ZNF839: variants seen among roughly 807,000 people sequenced by gnomAD.
ZNF839 encodes renal carcinoma antigen NY-REN-50.
Under a neutral mutation model 56.4 loss-of-function variants are expected in ZNF839, and 38 were observed. The observed-to-expected ratio is 0.67, with a 90% CI of 0.52 to 0.88. The LOEUF (loss-of-function observed/expected upper bound fraction) is 0.88, where lower values mean the gene tolerates loss of function less well. Among genes scored for constraint, ZNF839 ranks in the 40% least tolerant of loss-of-function variants. The pLI is 0.00. For missense variants in ZNF839, 1,091 were observed against 1,177.6 expected (o/e 0.93, Z 1.08); for synonymous variants, 486 against 493.5 (o/e 0.98, Z 0.20).
chr14:102,327,616 A>G (rs1409329521), intron 2 of ZNF839, among the ~76,000 whole-genome samples: 1 of 152,216 alleles, frequency 6.6e-6, no homozygotes. Context: ...AAACCAAATC[A>G]GTCCCAGTTC....
Position 102,328,303 on chromosome 14 carries a change from G to A in ZNF839, c.1191+1416G>A, listed in dbSNP as rs1165902359. Among the ~76,000 whole-genome samples the A allele has an allele frequency of 8.1e-5, 11 of 135,134 alleles. 1 individual carries two copies. The highest frequency in any genetic ancestry group is 2.4e-4 in the Admixed American group (3 of 12,298). The allele number at this position is 135,134 out of a possible 152,430, so 88.7% of individuals were successfully genotyped here. A position where few individuals can be genotyped will look rare whatever the true frequency, so the allele number is the denominator to read the frequency against. On this transcript the variant is annotated intron_variant, in intron 2 of 7. Transcript: ENST00000442396. ...TGTGAGGTGGAGGTTGCAGTGAGCC[G>A]AGATCATGCCATTGCACTCCAGCCT...
At chr14:102,328,488 G>GCCACA (rs768580308) in intron 2 of ZNF839, among the ~76,000 whole-genome samples, 32 of 146,794 alleles carry the variant, frequency 2.2e-4, no homozygotes, top group Non-Finnish European at 1.5e-5. Flanking sequence ...TTAAGTGTGT[G>GCCACA]GTTCAGGGGT....
chr14:102,325,980 G>A lies in ZNF839; in HGVS notation c.289-5G>A, dbSNP rs80078732. The A allele has an allele frequency of 3.0e-3, 4,773 of 1,610,714 alleles. 95 individuals are homozygous for A. The East Asian group carries it at 0.033, about 11-fold the overall frequency. Reference sequence around the variant, plus strand: ...TTTTCTCTTTCTTGTCTTTCTGTACGTAAGCAACTAGAAGCCATTTGTGTC... The same window carrying A: ...TTTTCTCTTTCTTGTCTTTCTGTACATAAGCAACTAGAAGCCATTTGTGTC... On this transcript the variant is annotated splice_region_variant and splice_polypyrimidine_tract_variant and intron_variant, in intron 1 of 7. Transcript: ENST00000442396.
rs750005670 is a variant in ZNF839, at chr14:102,341,846, T to C, written c.2451T>C (p.Thr817=). The C allele has an allele frequency of 5.0e-6, 8 of 1,614,074 alleles. No individual in the cohort carries two copies. The highest frequency in any genetic ancestry group is 1.7e-5 in the Admixed American group (1 of 60,018). Residue 817 remains threonine (T), a synonymous_variant, in exon 8 of 8, where the codon ACT becomes ACC. Coordinates refer to ENST00000442396, the MANE Select transcript of ZNF839 (RefSeq NM_018335.6). The part of the protein sequence containing the change: ...DSVAVDCAYR[T]VPKPGPQPGP... ...TGGCAGTGGACTGTGCCTACAGGAC[T>C]GTGCCCAAGCCAGGGCCTCAGCCTG...
chr14:102,318,982 G>A (rs2072984308), upstream of ZNF839, among the ~76,000 whole-genome samples: 1 of 152,176 alleles, frequency 6.6e-6, no homozygotes, highest in South Asian at 2.1e-4. Context: ...GAAAGGAGCT[G>A]GGACATGTGT....
chr14:102,318,285 G>A (rs2072956938), upstream of ZNF839, among the ~76,000 whole-genome samples: 1 of 152,212 alleles, frequency 6.6e-6, no homozygotes, highest in South Asian at 2.1e-4. Flanking sequence ...GCTTGAAGGG[G>A]TTTAGAATAT....
Position 102,331,691 on chromosome 14 carries a change from G to C in ZNF839, c.1261G>C (p.Glu421Gln). The C allele has an allele frequency of 1.2e-6, 2 of 1,612,234 alleles. No individual in the cohort carries two copies. ...EPENGALLRS[E>Q]RYQGPRRRAC... The stretch of plus-strand genomic sequence containing the variant: ...AGAAAATGGAGCTCTTTTGCGATCA[G>C]AGAGATACCAAGGACCTAGAAGACG... Residue 421 changes from glutamate (E) to glutamine (Q), a missense_variant, in exon 3 of 8, where the codon GAG (glutamate) becomes CAG (glutamine). Around this residue, in one of 3 missense-constraint regions of ZNF839, gnomAD observed 614 missense variants for 629.2 expected, o/e 0.98. Transcript: ENST00000442396.
intron 1 of ZNF839, among the ~76,000 whole-genome samples, chr14:102,321,449 A>G (rs1406104107): frequency 6.6e-6 from 1 of 152,212 alleles, no homozygotes. Context: ...TTTTTCGTAA[A>G]GCAAAAGCAA....
At chr14:102,341,221 T>TAA (rs1264953564) in intron 7 of ZNF839, 102 bp from the exon 8 acceptor site, 48 of 1,378,456 alleles carry the variant, frequency 3.5e-5, no homozygotes, top group Non-Finnish European at 4.4e-5. Context: ...TTGACTTTTC[T>TAA]GCAGGGCAGG....
intron 7 of ZNF839, among the ~76,000 whole-genome samples, chr14:102,339,994 C>T (rs1567298588): frequency 1.3e-5 from 2 of 151,406 alleles, no homozygotes; most frequent in Non-Finnish European, 2.9e-5. Flanking sequence ...TTTTTTGAGA[C>T]GGGAGTCGCA....
chr14:102,331,698 A>G lies in ZNF839; in HGVS notation c.1268A>G (p.Tyr423Cys), dbSNP rs762039050. Residue 423 changes from tyrosine (Y) to cysteine (C), a missense_variant, in exon 3 of 8, where the codon TAC becomes TGC. Physicochemically the swap from Tyr to Cys is radical, Grantham distance 194. Transcript: ENST00000442396. Reference sequence around the variant, plus strand: ...GGAGCTCTTTTGCGATCAGAGAGATACCAAGGACCTAGAAGACGCGCATGC... The same window carrying G: ...GGAGCTCTTTTGCGATCAGAGAGATGCCAAGGACCTAGAAGACGCGCATGC... Reference protein sequence around the residue: ...ENGALLRSERYQGPRRRACSE... With the variant: ...ENGALLRSERCQGPRRRACSE... 8.7e-6 allele frequency: 14 copies of G among 1,611,886 alleles called. No homozygotes were observed. The highest frequency in any genetic ancestry group is 1.2e-5 in the Non-Finnish European group (14 of 1,178,984).
chr14:102,318,702 G>A (rs1482481360), upstream of ZNF839, among the ~76,000 whole-genome samples: 2 of 152,122 alleles, frequency 1.3e-5, no homozygotes, highest in African/African-American at 4.8e-5. Flanking sequence ...ACACGGAAGG[G>A]ATCATCGTGA....
rs766903295 is a variant in ZNF839 at position 102,334,538 on chromosome 14, T to C, written c.1417-16T>C. The C allele has an allele frequency of 6.3e-7, 1 of 1,592,806 alleles. No homozygotes were observed. Among genetic ancestry groups the C allele is most frequent in the South Asian group, 1.1e-5 (1 of 88,588 alleles). On this transcript the variant is annotated splice_polypyrimidine_tract_variant and intron_variant, in intron 3 of 7. Coordinates refer to ENST00000442396, the MANE Select transcript of ZNF839 (RefSeq NM_018335.6). ...TTACGGGACATTCAAAGGCATGAAA[T>C]GCTTTCCCTTGGTAGTTCCTCCAGC...
chr14:102,341,871 G>T lies in ZNF839; in HGVS notation c.2476G>T (p.Gly826Cys). The T allele has an allele frequency of 6.2e-7, 1 of 1,614,050 alleles. No homozygotes were observed. Among genetic ancestry groups the T allele is most frequent in the South Asian group, 1.1e-5 (1 of 91,086 alleles). Residue 826 changes from glycine (G) to cysteine (C), a missense_variant, in exon 8 of 8, where the codon GGC becomes TGC. Gly to Cys is a radical substitution (Grantham distance 159, BLOSUM62 -3). Transcript: ENST00000442396. ...TGTGCCCAAGCCAGGGCCTCAGCCT[G>T]GCCCACATGGATCACTATTGACTGA... ...RTVPKPGPQP[G>C]PHGSLLTEGC...
rs2073018729 is a variant in ZNF839, at chr14:102,319,789, T to TGGGGGCGGCAGCGAGGATGGC, written c.27_47dup (p.Ser12_Gly18dup). 8 of 1,231,940 alleles carry TGGGGGCGGCAGCGAGGATGGC rather than the reference T, an allele frequency of 6.5e-6. No homozygotes were observed. The Admixed American group carries it at 3.4e-4, about 52-fold the overall frequency. The allele number at this position is 1,231,940 out of a possible 1,614,324, so 76.3% of individuals were successfully genotyped here. ...CCATGGCGGATGCGGAGCCGGAGGC[T>TGGGGGCGGCAGCGAGGATGGC]GGGGGCGGCAGCGAGGATGGCGGCG... is the stretch of plus-strand genomic sequence containing the variant. On this transcript the variant is annotated inframe_insertion, in exon 1 of 8. Coordinates refer to ENST00000442396, the MANE Select transcript of ZNF839 (RefSeq NM_018335.6). This position sits in a 1 kb window ranked among gnomAD's most constrained non-coding sequence, Gnocchi z 4.5.
rs989368126 is a variant in ZNF839 at position 102,332,569 on chromosome 14, C to T, written c.1416+723C>T. Among the ~76,000 whole-genome samples the T allele has an allele frequency of 8.5e-5, 13 of 152,098 alleles. No homozygotes were observed. Among genetic ancestry groups the T allele is most frequent in the African/African-American group, 2.4e-4 (10 of 41,410 alleles). On this transcript the variant is annotated intron_variant, in intron 3 of 7. Coordinates refer to ENST00000442396, the MANE Select transcript of ZNF839 (RefSeq NM_018335.6). This position sits in a 1 kb window ranked among gnomAD's most constrained non-coding sequence, Gnocchi z 4.9. ...CAGTGTGCACAAGATAGACAGGGCT[C>T]GGCTCTTAGGGGAGAAACAGGACAG...
rs2139606436 is a variant in ZNF839 at position 102,341,317 on chromosome 14, G to A, written c.1928-6G>A. 1 of 1,516,500 alleles carries A rather than the reference G, an allele frequency of 6.6e-7. No individual in the cohort carries two copies. The highest frequency in any genetic ancestry group is 8.8e-7 in the Non-Finnish European group (1 of 1,132,914). 93.9% of individuals were successfully genotyped at this position (1,516,500 alleles called of 1,614,324 possible). A position where few individuals can be genotyped will look rare whatever the true frequency, so the allele number is the denominator to read the frequency against. On this transcript the variant is annotated splice_polypyrimidine_tract_variant and splice_region_variant and intron_variant, in intron 7 of 7. Transcript: ENST00000442396. ...GCCATGTTCACCTGTTTCCCAAAAT[G>A]TTTAGGTTTTTCCCCTCCAGTAAAT... is the stretch of plus-strand genomic sequence containing the variant.
intron 3 of ZNF839, 144 bp from the exon 4 acceptor site, chr14:102,334,410 A>G: frequency 1.6e-6 from 1 of 631,090 alleles, no homozygotes; most frequent in African/African-American, 1.8e-5. Flanking sequence ...TGAAATAGTT[A>G]ATAAAGCAGA....
chr14:102,337,259 C>T lies in ZNF839; in HGVS notation c.1659+1421C>T, dbSNP rs1038166758. The stretch of plus-strand genomic sequence containing the variant: ...ATCTTGGCTCACTGCAACCTCCCCT[C>T]CTGGGTTCAAGCGATTCTCCCACCT... On this transcript the variant is annotated intron_variant, in intron 5 of 7. Coordinates refer to ENST00000442396, the MANE Select transcript of ZNF839 (RefSeq NM_018335.6). 7 of 151,518 alleles carry T rather than the reference C, an allele frequency of 4.6e-5. No homozygotes were observed. The East Asian group carries it at 1.2e-3, about 25-fold the overall frequency. The allele number at this position is 151,518 out of a possible 1,614,324, so 9.4% of individuals were successfully genotyped here.
Sources: gnomAD v4.1 joint callset for allele counts (sites outside exome capture counted in the v4.1 genomes callset) on GRCh38, gnomAD v4.1.1 for gene constraint, gnomAD v4.1.1 regional missense constraint, Gnocchi (gnomAD v3.1) non-coding constraint, MANE v1.5 for transcripts, NCBI Gene and HGNC (gene_info 2026-07-23, HGNC 2026-07-21) for gene names.